The following EPHB1 variants were observed in gnomAD, a reference collection of about 807,000 sequenced individuals.
EPHB1 encodes ephrin type-B receptor 1.
A neutral mutation model predicts 94.4 loss-of-function variants in EPHB1; 30 were observed. The ratio of observed to expected loss-of-function variants is 0.32; its 90% CI spans 0.24 to 0.43. EPHB1 has a LOEUF of 0.43. Among genes scored for constraint, EPHB1 ranks in the 20% least tolerant of loss-of-function variants. The pLI, the probability that EPHB1 is intolerant of heterozygous loss-of-function variation, is 1.00. For missense variants in EPHB1, 1,055 were observed against 1,308.3 expected, an observed-to-expected ratio of 0.81 and a Z score of 2.99; for synonymous variants, 522 against 489.1, an observed-to-expected ratio of 1.07 and a Z score of -0.89.
chr3:134,880,638 A>G (rs1254029456), intron 1 of EPHB1, among the ~76,000 whole-genome samples: 1 of 152,232 alleles, frequency 6.6e-6, no homozygotes, highest in Non-Finnish European at 1.5e-5. Context: ...CCACAAGGCC[A>G]GACAGCTGGG....
intron 1 of EPHB1, among the ~76,000 whole-genome samples, chr3:134,912,043 C>G (rs2038466254): frequency 6.6e-6 from 1 of 152,210 alleles, no homozygotes; most frequent in Non-Finnish European, 1.5e-5. Context: ...GCAGCGTATT[C>G]CTTCTGATTA....
chr3:134,921,375 C>T (rs1217388470), intron 1 of EPHB1, among the ~76,000 whole-genome samples: 2 of 152,216 alleles, frequency 1.3e-5, no homozygotes, highest in African/African-American at 4.8e-5. Context: ...GCGAATCTCC[C>T]TGATGCTCCT....
intron 1 of EPHB1, among the ~76,000 whole-genome samples, chr3:134,846,557 C>T (rs540287852): frequency 2.0e-5 from 3 of 152,158 alleles, no homozygotes; most frequent in Admixed American, 6.6e-5. Context: ...GATGCCTGTT[C>T]GGTGGTAAAA....
intron 3 of EPHB1, among the ~76,000 whole-genome samples, chr3:135,045,877 C>G (rs1037224822): frequency 1.6e-4 from 25 of 152,234 alleles, no homozygotes; most frequent in Admixed American, 1.2e-3. Flanking sequence ...AGATTCCACA[C>G]TGCAACTTAA....
intron 1 of EPHB1, among the ~76,000 whole-genome samples, chr3:134,879,684 T>A (rs2037688928): frequency 6.6e-6 from 1 of 152,068 alleles, no homozygotes; most frequent in Non-Finnish European, 1.5e-5. Context: ...GGAAATTCAA[T>A]GGAGGAAATT....
chr3:134,979,658 T>C (rs867110458), intron 3 of EPHB1, among the ~76,000 whole-genome samples: 2 of 152,326 alleles, frequency 1.3e-5, no homozygotes, highest in Middle Eastern at 6.8e-3. Flanking sequence ...AAAAGTAATA[T>C]GTATTTGTGT....
intron 1 of EPHB1, among the ~76,000 whole-genome samples, chr3:134,834,533 C>T (rs1416533813): frequency 1.3e-5 from 2 of 152,200 alleles, no homozygotes; most frequent in African/African-American, 4.8e-5. Flanking sequence ...TTGTGGGACT[C>T]ATGTTGGCCA....
At chr3:135,191,636 A>ATT (rs35439364) in intron 10 of EPHB1, among the ~76,000 whole-genome samples, 7,132 of 145,150 alleles carry the variant, frequency 0.049, 200 homozygotes, top group Middle Eastern at 0.13. Flanking sequence ...GATTCAACAG[A>ATT]TTTTTTTTTT....
At chr3:135,214,105 C>T (rs927125628) in intron 12 of EPHB1, among the ~76,000 whole-genome samples, 11 of 152,186 alleles carry the variant, frequency 7.2e-5, no homozygotes, top group African/African-American at 2.7e-4. Flanking sequence ...GTTCCTCCTC[C>T]TCCTTACTTT....
At chr3:134,998,506 A>AGCATGTACTAAGAT (rs988100898) in intron 3 of EPHB1, among the ~76,000 whole-genome samples, 10 of 152,122 alleles carry the variant, frequency 6.6e-5, no homozygotes, top group African/African-American at 2.4e-4. Flanking sequence ...AAGTCTGGGG[A>AGCATGTACTAAGAT]GGTTTTCTCA....
chr3:135,179,834 TA>T (rs1942105434), intron 9 of EPHB1, 25 bp from the exon 10 acceptor site: 1 of 1,612,960 alleles, frequency 6.2e-7, no homozygotes, highest in South Asian at 1.1e-5. Context: ...TTTGGGATGT[TA>T]ACCCTGCTTA....
intron 1 of EPHB1, among the ~76,000 whole-genome samples, chr3:134,874,452 T>G (rs527282458): frequency 6.6e-6 from 1 of 152,270 alleles, no homozygotes; most frequent in Admixed American, 6.5e-5. Flanking sequence ...CAAACCTGCA[T>G]GATGTGCACA....
intron 3 of EPHB1, among the ~76,000 whole-genome samples, chr3:135,034,630 G>A (rs1444997487): frequency 3.3e-5 from 5 of 152,370 alleles, no homozygotes; most frequent in South Asian, 2.1e-4. Flanking sequence ...GACAAGATTC[G>A]GTCTCAAGTC....
At chr3:134,846,663 G>T (rs1287560556) in intron 1 of EPHB1, among the ~76,000 whole-genome samples, 1 of 152,124 alleles carries the variant, frequency 6.6e-6, no homozygotes, top group African/African-American at 2.4e-5. Context: ...TTTGCAGAGG[G>T]GATGGAAGCC....
chr3:134,854,617 G>T (rs761361347), intron 1 of EPHB1, among the ~76,000 whole-genome samples: 8 of 152,122 alleles, frequency 5.3e-5, no homozygotes, highest in Non-Finnish European at 1.0e-4. Flanking sequence ...CCATAGCAGG[G>T]ACAGCCAGGC....
At chr3:135,252,710 T>C (rs1304537005) in intron 15 of EPHB1, among the ~76,000 whole-genome samples, 2 of 141,812 alleles carry the variant, frequency 1.4e-5, no homozygotes, top group Non-Finnish European at 3.1e-5. Context: ...GCATGATTTA[T>C]AGTCCTTTGG....
intron 1 of EPHB1, among the ~76,000 whole-genome samples, chr3:134,822,121 T>C (rs2036393312): frequency 6.6e-6 from 1 of 152,222 alleles, no homozygotes; most frequent in Non-Finnish European, 1.5e-5. Context: ...GTGTTCCAGC[T>C]GTAATGGAGT....
chr3:135,159,787 C>T (rs929705178), intron 6 of EPHB1, among the ~76,000 whole-genome samples: 1 of 152,186 alleles, frequency 6.6e-6, no homozygotes, highest in South Asian at 2.1e-4. Context: ...TTTGAGCTGA[C>T]CTGGGACCTG....
chr3:135,111,946 G>A (rs1364676961), intron 4 of EPHB1, among the ~76,000 whole-genome samples: 1 of 152,214 alleles, frequency 6.6e-6, no homozygotes, highest in Non-Finnish European at 1.5e-5. Flanking sequence ...CCAAAGTGCT[G>A]GGATTATAGG....
Sources: allele counts gnomAD v4.1 joint callset (sites outside exome capture counted in the v4.1 genomes callset), GRCh38; gene constraint gnomAD v4.1.1; transcripts MANE v1.5; gene names NCBI Gene and HGNC (gene_info 2026-07-23, HGNC 2026-07-21).